Variants in MYH10 observed in about 807,000 individuals in gnomAD.
The protein encoded by MYH10 is myosin heavy chain 10, also known as myosin-10.
In MYH10, 55 loss-of-function variants were observed where a neutral mutation model predicts 257.8. That is an observed-to-expected ratio of 0.21 (90% CI 0.17 to 0.27). MYH10 has a LOEUF of 0.27. Ranked by LOEUF, MYH10 falls within the 10% of genes least tolerant of loss-of-function variation. MYH10 has a pLI of 1.00. For synonymous variants in MYH10, 854 were observed against 921.7 expected (o/e 0.93, Z 1.33); for missense variants, 1,631 against 2,500.6 (o/e 0.65, Z 7.42).
intron 3 of MYH10, among the ~76,000 whole-genome samples, chr17:8,596,612 T>C (rs1382417704): frequency 7.7e-6 from 1 of 130,210 alleles, no homozygotes; most frequent in African/African-American, 3.0e-5. Context: ...ACCTTATTCT[T>C]AAAATGCTTA....
At chr17:8,578,661 C>T (rs78160142) in intron 4 of MYH10, among the ~76,000 whole-genome samples, 2,037 of 152,272 alleles carry the variant, frequency 0.013, 41 homozygotes, top group African/African-American at 0.047. Flanking sequence ...TGGCACATTT[C>T]AAAAGTTTTC....
intron 3 of MYH10, among the ~76,000 whole-genome samples, chr17:8,596,476 C>T (rs2084375990): frequency 6.6e-6 from 1 of 152,090 alleles, no homozygotes; most frequent in Non-Finnish European, 1.5e-5. Context: ...TTAAAGCCTT[C>T]CTTGATGTTT....
Position 8,552,411 on chromosome 17 carries a change from C to T in MYH10, c.821-267G>A, listed in dbSNP as rs762290262. ...TACGTGCTTCCCTCACTCAGCTCCA[C>T]TCTACCCCATCCTTCCCCTAACTTG... On this transcript the variant is annotated intron_variant, in intron 8 of 42. Transcript: ENST00000360416. This position sits in a 1 kb window ranked among gnomAD's most constrained non-coding sequence, Gnocchi z 4.8. 3.9e-5 allele frequency among the ~76,000 whole-genome samples: 6 copies of T among 152,200 alleles called. No individual in the cohort carries two copies. The highest frequency in any genetic ancestry group is 5.9e-5 in the Non-Finnish European group (4 of 68,030).
At chr17:8,582,353 G>A (rs1490867247) in intron 4 of MYH10, among the ~76,000 whole-genome samples, 1 of 152,152 alleles carries the variant, frequency 6.6e-6, no homozygotes, top group African/African-American at 2.4e-5. Flanking sequence ...AAGAGTGAGG[G>A]CAAAGGGAAT....
At chr17:8,555,774 T>A (rs946116831) in intron 7 of MYH10, among the ~76,000 whole-genome samples, 1 of 152,078 alleles carries the variant, frequency 6.6e-6, no homozygotes, top group Non-Finnish European at 1.5e-5. Context: ...AACCATAAAA[T>A]TAAAAACTGG....
chr17:8,625,994 T>C (rs2085659541), intron 1 of MYH10, among the ~76,000 whole-genome samples: 1 of 152,208 alleles, frequency 6.6e-6, no homozygotes, highest in African/African-American at 2.4e-5. Context: ...TTAAAGGTTA[T>C]AGACTTGGAT....
chr17:8,590,207 G>A (rs928992982), intron 3 of MYH10, among the ~76,000 whole-genome samples: 2 of 152,096 alleles, frequency 1.3e-5, no homozygotes, highest in Non-Finnish European at 2.9e-5. Context: ...TCACTATGTC[G>A]TATTCTTTTT....
At chr17:8,539,325 T>C (rs376271872) in intron 14 of MYH10, among the ~76,000 whole-genome samples, 4 of 152,316 alleles carry the variant, frequency 2.6e-5, no homozygotes, top group Admixed American at 6.5e-5. Flanking sequence ...ATAAAACTCA[T>C]CCCTGGAATG....
At chr17:8,577,630 C>T (rs2083546613) in intron 4 of MYH10, among the ~76,000 whole-genome samples, 1 of 152,174 alleles carries the variant, frequency 6.6e-6, no homozygotes, top group African/African-American at 2.4e-5. Context: ...CTCCCGGCTT[C>T]AAGGAATTTT....
chr17:8,515,259 T>A (rs1273298388), intron 21 of MYH10, among the ~76,000 whole-genome samples: 10 of 151,996 alleles, frequency 6.6e-5, no homozygotes, highest in Admixed American at 3.3e-4. Flanking sequence ...ATGGAAAAAA[T>A]AAGAAAAACA....
At position 8,545,381 on chromosome 17, in the gene MYH10, A is replaced by C; in HGVS notation, c.1431+67T>G. On this transcript the variant is annotated intron_variant, in intron 13 of 42. Transcript: ENST00000360416. This position sits in a 1 kb window ranked among gnomAD's most constrained non-coding sequence, Gnocchi z 4.7. ...CCTCGTATGTACTGGGCACACAGTAAGCCTTCATATTTGTTAAAAGAACAA... is the reference window on the plus strand; with the variant it reads ...CCTCGTATGTACTGGGCACACAGTACGCCTTCATATTTGTTAAAAGAACAA... 6.4e-7 allele frequency: 1 copy of C among 1,565,694 alleles called. No individual in the cohort carries two copies.
intron 17 of MYH10, among the ~76,000 whole-genome samples, chr17:8,523,574 G>A (rs574228163): frequency 6.6e-6 from 1 of 152,296 alleles, no homozygotes; most frequent in East Asian, 1.9e-4. Context: ...GGCCAGCACG[G>A]AGGAGGAGGC....
intron 16 of MYH10, among the ~76,000 whole-genome samples, chr17:8,531,544 TTTTTTC>T (rs899473644): frequency 2.2e-5 from 3 of 138,430 alleles, no homozygotes; most frequent in Non-Finnish European, 4.7e-5. Context: ...AAACTCTACT[TTTTTTC>T]TTTTTCTTTT....
intron 3 of MYH10, among the ~76,000 whole-genome samples, chr17:8,597,853 C>A (rs2084438496): frequency 6.6e-6 from 1 of 151,964 alleles, no homozygotes; most frequent in South Asian, 2.1e-4. Context: ...CTCCTGACCT[C>A]ATGATCCACC....
In MYH10 at chr17:8,478,435, G is replaced by T. The variant is rs756085730; in HGVS notation, c.5609C>A (p.Ala1870Asp). The T allele has an allele frequency of 1.2e-6, 2 of 1,614,208 alleles. No homozygotes were observed. The highest frequency in any genetic ancestry group is 1.7e-6 in the Non-Finnish European group (2 of 1,180,026). The change falls in exon 41 of 43, where the codon GCC (alanine) becomes GAC (aspartate). Residue 1870 changes from alanine (A) to aspartate (D), a missense_variant. By Grantham distance (126) the Ala-to-Asp change is moderately radical. This residue lies in a region of MYH10 where 343 missense variants were observed against 389.5 expected (regional missense o/e 0.88). Coordinates refer to ENST00000360416, the MANE Select transcript of MYH10 (RefSeq NM_001256012.3). ...QLEQEAKERA[A>D]ANKLVRRTEK... Reference sequence around the variant, plus strand: ...AGTGCGACGGACTAATTTGTTGGCGGCTGCTCGTTCCCTGTGAAAGTGGTC... The same window carrying T: ...AGTGCGACGGACTAATTTGTTGGCGTCTGCTCGTTCCCTGTGAAAGTGGTC...
At chr17:8,618,724 C>A (rs549601577) in intron 2 of MYH10, among the ~76,000 whole-genome samples, 1 of 152,250 alleles carries the variant, frequency 6.6e-6, no homozygotes, top group Non-Finnish European at 1.5e-5. Flanking sequence ...ACTAAATATG[C>A]AAGTCTTTCA....
At chr17:8,476,083 G>C in intron 42 of MYH10, 135 bp from the exon 43 acceptor site, 1 of 1,010,970 alleles carries the variant, frequency 9.9e-7, no homozygotes. Context: ...TGGGGGTGGC[G>C]GTACGATGGG....
chr17:8,571,109 C>G (rs1402595234), intron 6 of MYH10, among the ~76,000 whole-genome samples: 1 of 152,032 alleles, frequency 6.6e-6, no homozygotes, highest in Non-Finnish European at 1.5e-5. Context: ...CAGTTTCCTC[C>G]CTGTACAACA....
At chr17:8,594,408 C>T (rs2084282377) in intron 3 of MYH10, among the ~76,000 whole-genome samples, 1 of 152,116 alleles carries the variant, frequency 6.6e-6, no homozygotes, top group Admixed American at 6.5e-5. Flanking sequence ...AGAAAGAATA[C>T]AATTTAATAA....
Sources: allele counts gnomAD v4.1 joint callset (sites outside exome capture counted in the v4.1 genomes callset), GRCh38; gene constraint gnomAD v4.1.1; regional missense constraint gnomAD v4.1.1; non-coding constraint Gnocchi (gnomAD v3.1); transcripts MANE v1.5; gene names NCBI Gene and HGNC (gene_info 2026-07-23, HGNC 2026-07-21).